The following TUT4 variants were observed in gnomAD, a reference collection of about 807,000 sequenced individuals.
TUT4 encodes the protein terminal uridylyltransferase 4.
In TUT4, 36 loss-of-function variants were observed where a neutral mutation model predicts 192.2. That is an observed-to-expected ratio of 0.19 (90% CI 0.14 to 0.25). The LOEUF is 0.25. TUT4 is among the 10% of genes least tolerant of loss of function. The probability of loss-of-function intolerance (pLI) is 1.00; values close to 1 mark genes in which losing one functional copy is unlikely to be tolerated. For missense variants in TUT4, 1,493 were observed against 1,957.2 expected, an observed-to-expected ratio of 0.76 and a Z score of 4.47; for synonymous variants, 618 against 666.0, an observed-to-expected ratio of 0.93 and a Z score of 1.11.
chr1:52,509,574 G>C (rs1676538507), intron 4 of TUT4, 22 bp downstream of exon 4: 1 of 1,213,778 alleles, frequency 8.2e-7, no homozygotes, highest in South Asian at 1.4e-5. Context: ...ATAAATAAAA[G>C]TATTTTTTAA....
At chr1:52,429,023 A>AG (rs1393358395) in intron 28 of TUT4, among the ~76,000 whole-genome samples, 2 of 150,468 alleles carry the variant, frequency 1.3e-5, no homozygotes, top group African/African-American at 4.9e-5. Flanking sequence ...GTTAATGGGG[A>AG]GGGGGGTTCA....
intron 14 of TUT4, chr1:52,468,471 G>A: frequency 2.1e-6 from 1 of 471,794 alleles, no homozygotes; most frequent in Admixed American, 4.0e-5. Flanking sequence ...TAGCAACCCA[G>A]GGGAAGAAAC....
At chr1:52,513,514 G>A (rs192538815) in intron 3 of TUT4, among the ~76,000 whole-genome samples, 460 of 150,520 alleles carry the variant, frequency 3.1e-3, no homozygotes, top group Non-Finnish European at 4.9e-3. Flanking sequence ...GAAATAAAGA[G>A]GTAGAAAGAA....
chr1:52,536,476 G>C (rs140231649), intron 1 of TUT4, among the ~76,000 whole-genome samples: 1 of 152,146 alleles, frequency 6.6e-6, no homozygotes, highest in African/African-American at 2.4e-5. Flanking sequence ...AAAACATATG[G>C]AAAAGAAAGA....
chr1:52,436,927 C>A lies in TUT4; in HGVS notation c.3990G>T (p.Gly1330=), dbSNP rs772412739. 3 of 1,613,940 alleles carry A rather than the reference C, an allele frequency of 1.9e-6. No homozygotes were observed. In the African/African-American group the frequency reaches 4.0e-5, roughly 22 times the overall value. The change falls in exon 26 of 30, where the codon GGG becomes GGT. Residue 1330 remains glycine (G), a synonymous_variant. Coordinates refer to ENST00000257177, the MANE Select transcript of TUT4 (RefSeq NM_001009881.3). ...KKKDSEEEKE[G]NEEEKDSRDV... ...CTCGGGAATCTTTCTCTTCTTCATT[C>A]CCTTCCTTCTCTTCTTCACTGTCTT...
At chr1:52,462,692 A>T (rs1662958307) in intron 16 of TUT4, 2 of 978,942 alleles carry the variant, frequency 2.0e-6, no homozygotes, top group Non-Finnish European at 2.4e-6. Context: ...GTTATTTATT[A>T]TAATTATGTT....
At chr1:52,536,239 A>G (rs941156127) in intron 1 of TUT4, among the ~76,000 whole-genome samples, 5 of 152,328 alleles carry the variant, frequency 3.3e-5, no homozygotes, top group African/African-American at 1.2e-4. Context: ...TAAAAATATA[A>G]AGGAGGAGAG....
chr1:52,481,361 A>G, intron 11 of TUT4, 62 bp downstream of exon 11: 1 of 1,541,506 alleles, frequency 6.5e-7, no homozygotes, highest in East Asian at 2.2e-5. Flanking sequence ...AATAGCTTCA[A>G]TCGAAGAATA....
intron 9 of TUT4, among the ~76,000 whole-genome samples, chr1:52,485,250 T>C (rs1669497506): frequency 6.6e-6 from 1 of 152,218 alleles, no homozygotes; most frequent in African/African-American, 2.4e-5. Flanking sequence ...GGTACACATT[T>C]TTCCCCATTT....
At chr1:52,506,870 C>T (rs759265226) in intron 4 of TUT4, among the ~76,000 whole-genome samples, 15 of 152,116 alleles carry the variant, frequency 9.9e-5, no homozygotes, top group Non-Finnish European at 1.6e-4. Flanking sequence ...ATTATGTGAA[C>T]TTTTTTCAGT....
chr1:52,552,069 T>C (rs189413589), intron 1 of TUT4, among the ~76,000 whole-genome samples: 30 of 152,350 alleles, frequency 2.0e-4, no homozygotes, highest in Middle Eastern at 3.4e-3. Flanking sequence ...GAAGCAGATA[T>C]ACGGTATCTA....
chr1:52,539,939 G>A (rs894612131), intron 1 of TUT4, among the ~76,000 whole-genome samples: 6 of 149,506 alleles, frequency 4.0e-5, no homozygotes, highest in Non-Finnish European at 5.9e-5. Flanking sequence ...CAGGCCAGGC[G>A]CGGGACTACA....
At chr1:52,517,797 C>T (rs1253734667) in intron 2 of TUT4, among the ~76,000 whole-genome samples, 1 of 152,036 alleles carries the variant, frequency 6.6e-6, no homozygotes, top group African/African-American at 2.4e-5. Context: ...AGATGAAATC[C>T]TAGTATTATT....
intron 24 of TUT4, among the ~76,000 whole-genome samples, chr1:52,441,370 G>A (rs1264217291): frequency 6.9e-6 from 1 of 145,266 alleles, no homozygotes; most frequent in African/African-American, 2.6e-5. Flanking sequence ...TGCAACCTCC[G>A]CCTCCCGGGT....
chr1:52,520,764 AC>A (rs543707996), intron 2 of TUT4, among the ~76,000 whole-genome samples: 190 of 151,966 alleles, frequency 1.3e-3, no homozygotes, highest in African/African-American at 4.2e-3. Flanking sequence ...AGGATTTAAA[AC>A]CACCTTACTT....
intron 19 of TUT4, among the ~76,000 whole-genome samples, chr1:52,458,870 T>C (rs931931720): frequency 2.0e-5 from 3 of 152,134 alleles, no homozygotes; most frequent in African/African-American, 7.2e-5. Context: ...CCAAAACATA[T>C]GTGAAATGAC....
At chr1:52,502,140 A>T (rs966032673) in intron 4 of TUT4, among the ~76,000 whole-genome samples, 28 of 145,848 alleles carry the variant, frequency 1.9e-4, no homozygotes, top group Non-Finnish European at 3.6e-4. Flanking sequence ...CAATAAAAAA[A>T]TTTCAAAAAA....
chr1:52,513,183 C>T (rs976939136), intron 3 of TUT4, among the ~76,000 whole-genome samples: 9 of 148,384 alleles, frequency 6.1e-5, no homozygotes, highest in Non-Finnish European at 1.0e-4. Flanking sequence ...CCTGTAAACT[C>T]AGCACGTTGG....
At chr1:52,443,648 A>C (rs577105875) in intron 24 of TUT4, among the ~76,000 whole-genome samples, 1 of 152,196 alleles carries the variant, frequency 6.6e-6, no homozygotes, top group South Asian at 2.1e-4. Flanking sequence ...CTGAAATCTC[A>C]GCACTTTAGG....
Sources: gnomAD v4.1 joint callset for allele counts (sites outside exome capture counted in the v4.1 genomes callset) on GRCh38, gnomAD v4.1.1 for gene constraint, MANE v1.5 for transcripts, NCBI Gene and HGNC (gene_info 2026-07-23, HGNC 2026-07-21) for gene names.